XPO5: variants seen among roughly 807,000 people sequenced by gnomAD.
The protein encoded by XPO5 is exportin 5, also known as exportin-5.
A neutral mutation model predicts 160.6 loss-of-function variants in XPO5; 46 were observed. The observed-to-expected ratio is 0.29, with a 90% CI of 0.23 to 0.37. The LOEUF is 0.37. Among genes scored for constraint, XPO5 ranks in the 10% least tolerant of loss-of-function variants. The probability of loss-of-function intolerance (pLI) is 1.00; values close to 1 mark genes in which losing one functional copy is unlikely to be tolerated. For synonymous variants in XPO5, 537 were observed against 519.3 expected, an observed-to-expected ratio of 1.03 and a Z score of -0.46; for missense variants, 1,090 against 1,463.9, an observed-to-expected ratio of 0.74 and a Z score of 4.17.
intron 26 of XPO5, 103 bp from the exon 27 acceptor site, chr6:43,526,850 A>G: frequency 8.1e-7 from 1 of 1,229,872 alleles, no homozygotes; most frequent in Admixed American, 2.0e-5. Context: ...CAGGTGAGGA[A>G]GGAGGAAGAT....
chr6:43,539,627 C>T lies in XPO5; in HGVS notation c.2343-5620G>A, dbSNP rs184148388. 4,322 of 1,344,190 alleles carry T rather than the reference C, an allele frequency of 3.2e-3. 11 individuals are homozygous for T. Among genetic ancestry groups the T allele is most frequent in the Non-Finnish European group, 3.8e-3 (3,721 of 969,188 alleles). 83.3% of individuals were successfully genotyped at this position (1,344,190 alleles called of 1,614,324 possible). On this transcript the variant is annotated intron_variant, in intron 20 of 31. Coordinates refer to ENST00000265351, the MANE Select transcript of XPO5 (RefSeq NM_020750.3). ...CCGGATGCCACTGGCGAAACCTCTG[C>T]GGAAGCCACCGCGGTTCCCCATCCC... is the stretch of plus-strand genomic sequence containing the variant.
At chr6:43,556,167 G>GT (rs1762075865) in intron 12 of XPO5, 1 of 581,268 alleles carries the variant, frequency 1.7e-6, no homozygotes, top group Middle Eastern at 4.9e-4. Flanking sequence ...TCTGGAAACT[G>GT]TATTACCAGC....
At position 43,548,389 on chromosome 6, in the gene XPO5, C is replaced by T. The variant is rs747169486; in HGVS notation, c.1932G>A (p.Glu644=). 37 of 1,612,926 alleles carry T rather than the reference C, an allele frequency of 2.3e-5. No homozygotes were observed. In the Middle Eastern group the frequency reaches 1.5e-3, roughly 64 times the overall value. ...LSNELLLTQM[E]KCALMEALVL... ...CCAGGGCTTCCATGAGGGCACACTTCTCCATTTGTGTCAGGAGTAGCTCAT... is the reference window on the plus strand; with the variant it reads ...CCAGGGCTTCCATGAGGGCACACTTTTCCATTTGTGTCAGGAGTAGCTCAT... Residue 644 remains glutamate (E), a synonymous_variant, in exon 18 of 32, where the codon GAG becomes GAA. Coordinates refer to ENST00000265351, the MANE Select transcript of XPO5 (RefSeq NM_020750.3).
chr6:43,572,444 G>C (rs2127757906), intron 3 of XPO5, 62 bp downstream of exon 3: 2 of 1,522,800 alleles, frequency 1.3e-6, no homozygotes, highest in East Asian at 4.5e-5. Flanking sequence ...ACTCCCTATT[G>C]AAGAAGTCAC....
chr6:43,567,178 G>A lies in XPO5; in HGVS notation c.825C>T (p.Val275=). The A allele has an allele frequency of 6.2e-7, 1 of 1,612,050 alleles. No homozygotes were observed. The highest frequency in any genetic ancestry group is 8.5e-7 in the Non-Finnish European group (1 of 1,179,046). ...LGAAECLLIA[V]SRKGKLEDRK... is the part of the protein sequence containing the mutation. ...TGAAGTGGTAACTTACTTTTCTGCT[G>A]ACTGCAATGAGAAGACACTCAGCGG... The change falls in exon 7 of 32, where the codon GTC becomes GTT. Residue 275 remains valine (V), a synonymous_variant. Coordinates refer to ENST00000265351, the MANE Select transcript of XPO5 (RefSeq NM_020750.3).
intron 17 of XPO5, among the ~76,000 whole-genome samples, chr6:43,549,257 C>A (rs1419380918): frequency 1.3e-5 from 2 of 152,038 alleles, no homozygotes; most frequent in African/African-American, 2.4e-5. Context: ...AGAGACCGGA[C>A]TTCACCATGT....
intron 23 of XPO5, 181 bp from the exon 24 acceptor site, chr6:43,529,106 T>G (rs1183952995): frequency 2.8e-6 from 3 of 1,081,512 alleles, no homozygotes; most frequent in Non-Finnish European, 4.1e-6. Flanking sequence ...GCACTGATAT[T>G]GAATTCCATT....
At chr6:43,558,731 C>T (rs1244755558) in intron 11 of XPO5, 140 bp from the exon 12 acceptor site, 15 of 615,264 alleles carry the variant, frequency 2.4e-5, no homozygotes, top group Non-Finnish European at 3.8e-5. Context: ...ATATCCACTT[C>T]AGTTCTATCA....
chr6:43,538,711 C>A, intron 20 of XPO5: 1 of 474,926 alleles, frequency 2.1e-6, no homozygotes, highest in Non-Finnish European at 3.6e-6. Context: ...CTGTTAATGT[C>A]TGGTTTTGGT....
rs765306530 is a variant in XPO5, at chr6:43,546,636, T to A, written c.2277A>T (p.Pro759=). 4 of 1,613,896 alleles carry A rather than the reference T, an allele frequency of 2.5e-6. No individual in the cohort carries two copies. In the Admixed American group the frequency reaches 5.0e-5, roughly 20 times the overall value. ...GCTCTGTGCAGGGGTTACGGAAGAT[T>A]GGATTTCCACTGGATGTATAACCCA... ...FVVGYTSSGN[P]IFRNPCTEQI... The change falls in exon 20 of 32, where the codon CCA becomes CCT. Residue 759 remains proline (P), a synonymous_variant. Transcript: ENST00000265351.
rs1582212174 is a variant in XPO5, at chr6:43,539,339, G to A, written c.2343-5332C>T. On this transcript the variant is annotated intron_variant, in intron 20 of 31. Coordinates refer to ENST00000265351, the MANE Select transcript of XPO5 (RefSeq NM_020750.3). ...GATAGCAACAAACGCCTTGAACCTG[G>A]TGCGCTGGCCAGCACGGGTCTGCTT... 1.1e-5 allele frequency: 18 copies of A among 1,579,506 alleles called. No homozygotes were observed. The South Asian group carries it at 1.9e-4, about 17-fold the overall frequency.
intron 9 of XPO5, 79 bp downstream of exon 9, chr6:43,562,168 A>AC: frequency 8.8e-7 from 1 of 1,137,744 alleles, no homozygotes; most frequent in Admixed American, 2.2e-5. Context: ...GACATTTGCA[A>AC]CCCCTCATTG....
At chr6:43,563,694 G>A (rs1242413788) in intron 8 of XPO5, among the ~76,000 whole-genome samples, 1 of 152,174 alleles carries the variant, frequency 6.6e-6, no homozygotes, top group East Asian at 1.9e-4. Flanking sequence ...GCAGGCAACT[G>A]TAACACAATG....
chr6:43,530,293 G>A (rs1165838578), intron 23 of XPO5, among the ~76,000 whole-genome samples: 20 of 151,740 alleles, frequency 1.3e-4, no homozygotes, highest in Admixed American at 1.3e-3. Context: ...GCGTGATGGT[G>A]CACACCTGTA....
intron 13 of XPO5, 51 bp from the exon 14 acceptor site, chr6:43,553,554 T>C: frequency 6.6e-7 from 1 of 1,516,990 alleles, no homozygotes; most frequent in Non-Finnish European, 8.8e-7. Flanking sequence ...CACACAATTA[T>C]CAGCATTGAA....
At chr6:43,527,281 CT>C (rs375730347) in intron 26 of XPO5, 77 of 210,984 alleles carry the variant, frequency 3.6e-4, no homozygotes, top group South Asian at 8.6e-4. Flanking sequence ...CAAACATGAA[CT>C]TTTTTTTTGA....
At chr6:43,530,659 G>T (rs780674560) in intron 23 of XPO5, 29 bp downstream of exon 23, 2 of 1,606,070 alleles carry the variant, frequency 1.2e-6, no homozygotes, top group East Asian at 4.5e-5. Flanking sequence ...CTGACCTTTT[G>T]GGTTATGTAG....
chr6:43,530,064 G>A (rs949152521), intron 23 of XPO5, among the ~76,000 whole-genome samples: 3 of 152,120 alleles, frequency 2.0e-5, no homozygotes, highest in Admixed American at 6.6e-5. Flanking sequence ...AGACCAGCCT[G>A]GCCAACATGG....
chr6:43,526,408 T>C, intron 27 of XPO5: 2 of 488,130 alleles, frequency 4.1e-6, no homozygotes, highest in East Asian at 7.0e-5. Flanking sequence ...AGGTTGGTCA[T>C]GGACGATCTC....
Sources: allele counts gnomAD v4.1 joint callset (sites outside exome capture counted in the v4.1 genomes callset), GRCh38; gene constraint gnomAD v4.1.1; transcripts MANE v1.5; gene names NCBI Gene and HGNC (gene_info 2026-07-23, HGNC 2026-07-21).